The following RBFOX1 variants were observed in gnomAD, a reference collection of about 807,000 sequenced individuals.
RBFOX1 encodes RNA binding fox-1 homolog 1, also known as RNA binding protein fox-1 homolog 1.
RBFOX1 carries 8 observed loss-of-function variants against 57.7 expected under a neutral mutation model. The ratio of observed to expected loss-of-function variants is 0.14; its 90% confidence interval spans 0.08 to 0.25. The LOEUF (loss-of-function observed/expected upper bound fraction) is 0.25. Among genes scored for constraint, RBFOX1 ranks in the 10% least tolerant of loss-of-function variants. The pLI is 1.00. For missense variants in RBFOX1, 611 were observed against 548.5 expected (o/e 1.11, Z -1.14); for synonymous variants, 326 against 222.4 (o/e 1.47, Z -4.15).
rs545504036 is a variant in RBFOX1 at position 6,930,114 on chromosome 16, G to A, written c.-15-121943G>A. The stretch of plus-strand genomic sequence containing the variant: ...TCGGCCTGCTCTTGAATGTTGAGAA[G>A]CTCCATGTGAGCCCCTCAATCTGTG... On this transcript the variant is annotated intron_variant, in intron 3 of 15. Coordinates refer to ENST00000550418, the MANE Select transcript of RBFOX1 (RefSeq NM_018723.4). 5.3e-5 allele frequency among the ~76,000 whole-genome samples: 8 copies of A among 152,248 alleles called. No individual in the cohort carries two copies. The South Asian group carries it at 1.0e-3, about 20-fold the overall frequency.
intron 3 of RBFOX1, among the ~76,000 whole-genome samples, chr16:6,985,102 C>G (rs1360543294): frequency 6.6e-6 from 1 of 152,028 alleles, no homozygotes; most frequent in Non-Finnish European, 1.5e-5. Flanking sequence ...TCTCCCCTCT[C>G]CTTCCTTCCC....
chr16:6,973,526 C>T (rs887537415), intron 3 of RBFOX1, among the ~76,000 whole-genome samples: 2 of 152,150 alleles, frequency 1.3e-5, no homozygotes, highest in African/African-American at 2.4e-5. Context: ...AGAAGCTCAA[C>T]GTTGATTTTT....
chr16:6,488,407 C>G (rs1442671619), intron 2 of RBFOX1, among the ~76,000 whole-genome samples: 1 of 152,196 alleles, frequency 6.6e-6, no homozygotes, highest in East Asian at 1.9e-4. Context: ...AGTAACAATA[C>G]AATGCCGATT....
At chr16:7,125,548 T>G (rs78651704) in intron 4 of RBFOX1, among the ~76,000 whole-genome samples, 14,212 of 152,238 alleles carry the variant, frequency 0.093, 783 homozygotes, top group African/African-American at 0.14. Context: ...TGATAACTTA[T>G]GATGTGCCAA....
At chr16:7,176,115 A>C (rs556678448) in intron 4 of RBFOX1, among the ~76,000 whole-genome samples, 4 of 151,522 alleles carry the variant, frequency 2.6e-5, no homozygotes, top group Non-Finnish European at 5.9e-5. Flanking sequence ...CTTTTAATCA[A>C]ATTTTTTTTA....
intron 4 of RBFOX1, among the ~76,000 whole-genome samples, chr16:7,131,703 A>C (rs1030730381): frequency 6.6e-6 from 1 of 151,966 alleles, no homozygotes; most frequent in African/African-American, 2.4e-5. Context: ...ACAGTAAGCC[A>C]AGCATAACCG....
chr16:7,247,186 G>C (rs918703939), intron 4 of RBFOX1, among the ~76,000 whole-genome samples: 4 of 152,140 alleles, frequency 2.6e-5, no homozygotes, highest in Admixed American at 6.5e-5. Flanking sequence ...CTGGAGAATA[G>C]TAGCTAGTCA....
At chr16:7,423,209 A>C (rs1313767424) in intron 4 of RBFOX1, among the ~76,000 whole-genome samples, 1 of 152,136 alleles carries the variant, frequency 6.6e-6, no homozygotes, top group Non-Finnish European at 1.5e-5. Flanking sequence ...GAGTGACCCA[A>C]AAAGCAAGAC....
intron 1 of RBFOX1, among the ~76,000 whole-genome samples, chr16:5,424,610 A>T (rs1375555885): frequency 6.6e-6 from 1 of 152,092 alleles, no homozygotes; most frequent in Non-Finnish European, 1.5e-5. Context: ...AGGTACAGCA[A>T]ACCACCATGG....
At chr16:7,211,369 G>A (rs1567723236) in intron 4 of RBFOX1, among the ~76,000 whole-genome samples, 1 of 131,364 alleles carries the variant, frequency 7.6e-6, no homozygotes, top group Non-Finnish European at 1.5e-5. Context: ...CCCAGCCTGG[G>A]CGACAGAGTG....
At chr16:5,415,924 C>G (rs531737690) in intron 1 of RBFOX1, among the ~76,000 whole-genome samples, 1 of 152,142 alleles carries the variant, frequency 6.6e-6, no homozygotes, top group African/African-American at 2.4e-5. Flanking sequence ...CTCAGAAATG[C>G]CAAATGTCCC....
chr16:6,197,084 T>C (rs749535434), intron 1 of RBFOX1, among the ~76,000 whole-genome samples: 11 of 152,192 alleles, frequency 7.2e-5, no homozygotes, highest in Non-Finnish European at 1.5e-4. Context: ...TAGCCAGTGA[T>C]TTAAGGACAA....
At chr16:5,646,552 C>G (rs942423898) in intron 3 of RBFOX1, among the ~76,000 whole-genome samples, 1 of 152,142 alleles carries the variant, frequency 6.6e-6, no homozygotes, top group South Asian at 2.1e-4. Flanking sequence ...GCAGAGGAGA[C>G]ACCTGCTATG....
intron 3 of RBFOX1, among the ~76,000 whole-genome samples, chr16:6,854,587 A>ATTTTGTTTTTTT (rs2057451946): frequency 1.4e-5 from 1 of 70,652 alleles, no homozygotes; most frequent in Non-Finnish European, 2.6e-5. Context: ...GGAGAGGTGA[A>ATTTTGTTTTTTT]TTTTTTTTTT....
intron 3 of RBFOX1, among the ~76,000 whole-genome samples, chr16:6,690,612 C>T (rs755092911): frequency 3.3e-5 from 5 of 151,970 alleles, no homozygotes; most frequent in African/African-American, 4.8e-5. Flanking sequence ...TAAGACCAAG[C>T]AGGGATTGGT....
chr16:7,187,665 G>C (rs1288495904), intron 4 of RBFOX1, among the ~76,000 whole-genome samples: 1 of 115,518 alleles, frequency 8.7e-6, no homozygotes, highest in East Asian at 2.9e-4. Context: ...GTCCAGCCTG[G>C]GCAACAGAAT....
At chr16:7,538,731 T>C (rs2082137733) in intron 5 of RBFOX1, among the ~76,000 whole-genome samples, 1 of 152,298 alleles carries the variant, frequency 6.6e-6, no homozygotes, top group African/African-American at 2.4e-5. Context: ...TTGGGTGAAG[T>C]TTAGCTGTAG....
intron 3 of RBFOX1, among the ~76,000 whole-genome samples, chr16:7,011,424 T>A (rs967862525): frequency 6.6e-6 from 1 of 152,228 alleles, no homozygotes; most frequent in African/African-American, 2.4e-5. Flanking sequence ...CTATGTGTTT[T>A]TAAAACAGGT....
intron 3 of RBFOX1, among the ~76,000 whole-genome samples, chr16:7,047,353 C>G (rs2048327378): frequency 6.6e-6 from 1 of 152,048 alleles, no homozygotes; most frequent in African/African-American, 2.4e-5. Context: ...ATTTCAATAA[C>G]TGTGTGTTAT....
Sources: allele counts gnomAD v4.1 joint callset (sites outside exome capture counted in the v4.1 genomes callset), GRCh38; gene constraint gnomAD v4.1.1; transcripts MANE v1.5; gene names NCBI Gene and HGNC (gene_info 2026-07-23, HGNC 2026-07-21).